Variants in NPHP1 observed in about 807,000 individuals in gnomAD.
The protein encoded by NPHP1 is nephrocystin-1.
Under a neutral mutation model 90.4 loss-of-function variants are expected in NPHP1, and 70 were observed. The ratio of observed to expected loss-of-function variants is 0.77; its 90% CI spans 0.64 to 0.95. The LOEUF (loss-of-function observed/expected upper bound fraction) is 0.95, where lower values mean the gene tolerates loss of function less well. NPHP1 is among the 40% of genes least tolerant of loss of function. NPHP1 has a pLI of 0.00. For missense variants in NPHP1, 764 were observed against 795.9 expected (o/e 0.96, Z 0.48); for synonymous variants, 256 against 271.7 (o/e 0.94, Z 0.57).
intron 2 of NPHP1, among the ~76,000 whole-genome samples, chr2:110,194,974 C>T (rs1685049838): frequency 6.6e-6 from 1 of 152,126 alleles, no homozygotes; most frequent in Non-Finnish European, 1.5e-5. Context: ...ATGCTAAAAA[C>T]TCTCAAGAAA....
At chr2:110,195,635 A>T (rs1685111517) in intron 2 of NPHP1, among the ~76,000 whole-genome samples, 1 of 152,188 alleles carries the variant, frequency 6.6e-6, no homozygotes, top group African/African-American at 2.4e-5. Flanking sequence ...GACTTTCTTT[A>T]CAGAATTGGA....
chr2:110,193,116 A>G (rs1324613106), intron 2 of NPHP1, among the ~76,000 whole-genome samples: 1 of 152,192 alleles, frequency 6.6e-6, no homozygotes, highest in Non-Finnish European at 1.5e-5. Flanking sequence ...CAAAATAACC[A>G]GCTAACATCA....
Position 110,169,953 on chromosome 2 carries a change from A to G in NPHP1, c.375T>C (p.Asp125=), listed in dbSNP as rs1683003491. 1 of 1,607,946 alleles carries G rather than the reference A, an allele frequency of 6.2e-7. No homozygotes were observed. The highest frequency in any genetic ancestry group is 8.5e-7 in the Non-Finnish European group (1 of 1,174,634). ...TEEEEESESE[D]SEDSGGEEED... is the part of the protein sequence containing the mutation. The stretch of plus-strand genomic sequence containing the variant: ...CTTCCTCCCCACCACTGTCTTCACT[A>G]TCTTCACTTTCACTTTCTTCCTCTT... The change falls in exon 5 of 20, where the codon GAT becomes GAC. Residue 125 remains aspartate (D), a synonymous_variant. Transcript: ENST00000445609.
intron 9 of NPHP1, among the ~76,000 whole-genome samples, chr2:110,162,357 G>A (rs191335739): frequency 6.6e-6 from 1 of 152,212 alleles, no homozygotes; most frequent in Admixed American, 6.5e-5. Context: ...CATTACTCAA[G>A]GAAGGCATCT....
At chr2:110,169,307 C>T (rs1257867993) in intron 5 of NPHP1, among the ~76,000 whole-genome samples, 1 of 152,014 alleles carries the variant, frequency 6.6e-6, no homozygotes, top group Non-Finnish European at 1.5e-5. Flanking sequence ...ACTTAAATTT[C>T]TTTGGCTCAT....
At chr2:110,128,944 G>T (rs1245076812) in intron 18 of NPHP1, 5 of 522,842 alleles carry the variant, frequency 9.6e-6, no homozygotes, top group South Asian at 2.6e-5. Context: ...AGGAAAAAAT[G>T]GGCAAAGATT....
At position 110,178,518 on chromosome 2, in the gene NPHP1, A is replaced by G. The variant is rs2104612190; in HGVS notation, c.234T>C (p.Tyr78=). 1.2e-6 allele frequency: 2 copies of G among 1,613,812 alleles called. No individual in the cohort carries two copies. Among genetic ancestry groups the G allele is most frequent in the Non-Finnish European group, 1.7e-6 (2 of 1,179,788 alleles). The change falls in exon 4 of 20, where the codon TAT becomes TAC. Residue 78 remains tyrosine (Y), a synonymous_variant. Coordinates refer to ENST00000445609, the MANE Select transcript of NPHP1 (RefSeq NM_001128178.3). ...TATGCTCCTCTTCTTTTCTCTGATT[A>G]TAGTTTGCAACAGGTGCAGATTCAT... ...KADESAPVAN[Y]NQRKEEEHTL...
intron 16 of NPHP1, among the ~76,000 whole-genome samples, chr2:110,138,112 G>T (rs1680348849): frequency 6.6e-6 from 1 of 151,906 alleles, no homozygotes; most frequent in Non-Finnish European, 1.5e-5. Context: ...CTTATAGGTG[G>T]GAATTGAACA....
chr2:110,152,818 T>G (rs944835199), intron 11 of NPHP1, among the ~76,000 whole-genome samples: 1 of 151,854 alleles, frequency 6.6e-6, no homozygotes, highest in East Asian at 1.9e-4. Context: ...AGGAGGGTGA[T>G]GTACTGTTAA....
chr2:110,166,128 CA>C (rs1216882079), intron 6 of NPHP1, among the ~76,000 whole-genome samples: 1 of 152,178 alleles, frequency 6.6e-6, no homozygotes, highest in Non-Finnish European at 1.5e-5. Context: ...GAGGAAACAG[CA>C]CTCACTGATT....
chr2:110,125,872 G>A, intron 18 of NPHP1, 191 bp from the exon 19 acceptor site: 1 of 612,900 alleles, frequency 1.6e-6, no homozygotes, highest in African/African-American at 1.8e-5. Flanking sequence ...CCAGGCAGAT[G>A]TATCTGTGAA....
At position 110,160,205 on chromosome 2, in the gene NPHP1, A is replaced by G; in HGVS notation, c.1005T>C (p.Cys335=). 4 of 1,611,682 alleles carry G rather than the reference A, an allele frequency of 2.5e-6. No individual in the cohort carries two copies. Among genetic ancestry groups the G allele is most frequent in the Non-Finnish European group, 2.5e-6 (3 of 1,177,864 alleles). Reference sequence around the variant, plus strand: ...TCATTCCTGGAAGAGGAATCATTTTACAGCTCCATAATGTCAGAATCAATG... The same window carrying G: ...TCATTCCTGGAAGAGGAATCATTTTGCAGCTCCATAATGTCAGAATCAATG... ...RISLILTLWS[C]KMIPLPGMSI... is the part of the protein sequence containing the mutation. Residue 335 remains cysteine (C), a synonymous_variant, in exon 11 of 20, where the codon TGT becomes TGC. Transcript: ENST00000445609.
At chr2:110,138,359 C>A (rs1680368946) in intron 16 of NPHP1, among the ~76,000 whole-genome samples, 1 of 152,070 alleles carries the variant, frequency 6.6e-6, no homozygotes, top group Non-Finnish European at 1.5e-5. Context: ...TCCTTGACCA[C>A]TCTTTAAATC....
In NPHP1 at chr2:110,143,537, C is replaced by G; in HGVS notation, c.1529+5G>C. ...TTCACTGGACAGGTAAAAGCAGGTA[C>G]CCACCTTAGTACATTTCTTGATCTT... On this transcript the variant is annotated splice_donor_5th_base_variant and intron_variant, in intron 16 of 19. Transcript: ENST00000445609. The G allele has an allele frequency of 6.2e-7, 1 of 1,600,544 alleles. No individual in the cohort carries two copies. The highest frequency in any genetic ancestry group is 8.6e-7 in the Non-Finnish European group (1 of 1,167,612).
intron 4 of NPHP1, among the ~76,000 whole-genome samples, chr2:110,174,428 C>T (rs1336300987): frequency 6.6e-6 from 1 of 152,122 alleles, no homozygotes; most frequent in East Asian, 1.9e-4. Context: ...GCATCCCTAA[C>T]TTATCATAGT....
chr2:110,133,881 C>T (rs1259730372), intron 16 of NPHP1, among the ~76,000 whole-genome samples: 2 of 151,608 alleles, frequency 1.3e-5, no homozygotes, highest in East Asian at 1.9e-4. Context: ...TGAAAACAGT[C>T]CTAAGAGGGA....
intron 11 of NPHP1, among the ~76,000 whole-genome samples, chr2:110,156,568 C>T (rs924114669): frequency 3.3e-5 from 5 of 152,102 alleles, no homozygotes; most frequent in South Asian, 4.1e-4. Context: ...GGACTAAAGG[C>T]TTGAGGCTCC....
chr2:110,190,250 G>A (rs1002038139), intron 2 of NPHP1, among the ~76,000 whole-genome samples: 1 of 152,188 alleles, frequency 6.6e-6, no homozygotes, highest in African/African-American at 2.4e-5. Flanking sequence ...CAGCCCTTGG[G>A]TGGTCGATGG....
intron 2 of NPHP1, chr2:110,184,619 G>T: frequency 1.0e-6 from 1 of 1,003,414 alleles, no homozygotes; most frequent in Non-Finnish European, 1.6e-6. Flanking sequence ...TCGCAAGCTG[G>T]AACATCTCTC....
Sources: allele counts gnomAD v4.1 joint callset (sites outside exome capture counted in the v4.1 genomes callset), GRCh38; gene constraint gnomAD v4.1.1; transcripts MANE v1.5; gene names NCBI Gene and HGNC (gene_info 2026-07-23, HGNC 2026-07-21).